Variants in KLHL2 observed in about 807,000 individuals in gnomAD.
KLHL2 encodes the protein kelch-like protein 2.
Under a neutral mutation model 75.8 loss-of-function variants are expected in KLHL2, and 15 were observed. The observed-to-expected ratio is 0.20, with a 90% CI of 0.13 to 0.30. The LOEUF is 0.30. KLHL2 is among the 10% of genes least tolerant of loss of function. The pLI, the probability that KLHL2 is intolerant of heterozygous loss-of-function variation, is 1.00. For missense variants in KLHL2, 381 were observed against 741.0 expected, an observed-to-expected ratio of 0.51 and a Z score of 5.64; for synonymous variants, 214 against 251.9, an observed-to-expected ratio of 0.85 and a Z score of 1.42.
intron 5 of KLHL2, among the ~76,000 whole-genome samples, chr4:165,265,627 T>C (rs750744203): frequency 9.2e-5 from 14 of 152,164 alleles, no homozygotes; most frequent in Non-Finnish European, 1.8e-4. Context: ...TCCAGCTTCA[T>C]CCATGTCCCT....
At chr4:165,259,030 G>A (rs1222151251) in intron 4 of KLHL2, among the ~76,000 whole-genome samples, 2 of 151,788 alleles carry the variant, frequency 1.3e-5, no homozygotes, top group African/African-American at 2.4e-5. Flanking sequence ...GAGAAGGAAT[G>A]TTTATATTAT....
intron 13 of KLHL2, among the ~76,000 whole-genome samples, chr4:165,315,286 A>C (rs1746511696): frequency 6.6e-6 from 1 of 152,142 alleles, no homozygotes; most frequent in South Asian, 2.1e-4. Context: ...TATTGTTTTC[A>C]TATCAAAATT....
chr4:165,321,682 C>A (rs114376761), intron 14 of KLHL2, among the ~76,000 whole-genome samples: 54 of 152,258 alleles, frequency 3.5e-4, no homozygotes, highest in African/African-American at 1.3e-3. Context: ...TTACTTTTGA[C>A]AGAGTATATA....
rs1560837745 is a variant in KLHL2 at position 165,319,655 on chromosome 4, C to G, written c.1753+1686C>G. On this transcript the variant is annotated intron_variant, in intron 14 of 14. Transcript: ENST00000226725. This position sits in a 1 kb window ranked among gnomAD's most constrained non-coding sequence, Gnocchi z 4.5. ...TTTGTTTTTGAGACAGAATCTCACT[C>G]TTGTCGCCCAGGCTGGAGTGCAACA... Among the ~76,000 whole-genome samples the G allele has an allele frequency of 1.3e-5, 2 of 152,094 alleles. No homozygotes were observed. The highest frequency in any genetic ancestry group is 4.8e-5 in the African/African-American group (2 of 41,422).
intron 13 of KLHL2, among the ~76,000 whole-genome samples, chr4:165,317,550 A>G (rs1746675841): frequency 6.6e-6 from 1 of 152,028 alleles, no homozygotes; most frequent in Non-Finnish European, 1.5e-5. Flanking sequence ...TTTTTAGTAG[A>G]GATGGGGTTT....
At chr4:165,249,784 C>G (rs1740543794) in intron 4 of KLHL2, among the ~76,000 whole-genome samples, 1 of 152,134 alleles carries the variant, frequency 6.6e-6, no homozygotes, top group Non-Finnish European at 1.5e-5. Context: ...TATTTATCTC[C>G]TTGTGGAGAT....
intron 3 of KLHL2, among the ~76,000 whole-genome samples, chr4:165,233,654 C>G (rs1254915049): frequency 6.6e-6 from 1 of 152,094 alleles, no homozygotes; most frequent in Non-Finnish European, 1.5e-5. Flanking sequence ...AGGCATTGTC[C>G]TAGGCTTTGG....
At chr4:165,302,468 G>C (rs1172910535) in intron 8 of KLHL2, among the ~76,000 whole-genome samples, 2 of 152,256 alleles carry the variant, frequency 1.3e-5, no homozygotes, top group East Asian at 3.9e-4. Flanking sequence ...TACCATGAGA[G>C]TGAATTAGTA....
chr4:165,313,319 A>G lies in KLHL2; in HGVS notation c.1421A>G (p.Asn474Ser), dbSNP rs758141590. Reference sequence around the variant, plus strand: ...GTAGAATGCTATAATGCTACAACAAATGAGTGGACCTATATAGCAGAAATG... The same window carrying G: ...GTAGAATGCTATAATGCTACAACAAGTGAGTGGACCTATATAGCAGAAATG... ...STVECYNATT[N>S]EWTYIAEMST... is the part of the protein sequence containing the mutation. Residue 474 changes from asparagine to serine, a missense_variant, in exon 12 of 15, where the codon AAT becomes AGT. Coordinates refer to ENST00000226725, the MANE Select transcript of KLHL2 (RefSeq NM_007246.4). The G allele has an allele frequency of 1.3e-6, 2 of 1,588,438 alleles. No individual in the cohort carries two copies. The highest frequency in any genetic ancestry group is 1.7e-6 in the Non-Finnish European group (2 of 1,170,306).
chr4:165,257,805 C>T (rs1328627186), intron 4 of KLHL2, among the ~76,000 whole-genome samples: 1 of 151,894 alleles, frequency 6.6e-6, no homozygotes, highest in Non-Finnish European at 1.5e-5. Context: ...GGGTAACAGA[C>T]GTGATCCTAC....
intron 4 of KLHL2, among the ~76,000 whole-genome samples, chr4:165,247,981 A>G (rs1394560622): frequency 6.6e-6 from 1 of 152,242 alleles, no homozygotes; most frequent in Non-Finnish European, 1.5e-5. Context: ...AGCTATTGCC[A>G]CAAAAATGCC....
chr4:165,311,783 CT>C (rs1399928738), intron 11 of KLHL2, among the ~76,000 whole-genome samples: 2 of 149,972 alleles, frequency 1.3e-5, no homozygotes, highest in Admixed American at 6.7e-5. Context: ...CTCTATCCCC[CT>C]CCCTTTATCC....
At chr4:165,277,822 C>A in intron 5 of KLHL2, 1 of 663,650 alleles carries the variant, frequency 1.5e-6, no homozygotes, top group Non-Finnish European at 2.7e-6. Context: ...GCTGCATTTT[C>A]TTTATTTTAA....
At chr4:165,260,910 T>C (rs1273075946) in intron 4 of KLHL2, among the ~76,000 whole-genome samples, 2 of 152,182 alleles carry the variant, frequency 1.3e-5, no homozygotes, top group Non-Finnish European at 2.9e-5. Flanking sequence ...TTCATGGAGG[T>C]TGGACCAATA....
chr4:165,227,584 T>C (rs760832821), intron 2 of KLHL2, among the ~76,000 whole-genome samples: 23 of 152,164 alleles, frequency 1.5e-4, no homozygotes, highest in Non-Finnish European at 2.9e-4. Context: ...AGACATAAAT[T>C]CAGTGCTTGG....
chr4:165,228,931 T>G lies in KLHL2; in HGVS notation c.259+18T>G, dbSNP rs759990547. On this transcript the variant is annotated intron_variant, in intron 3 of 14. Transcript: ENST00000226725. ...GTTTACAGGTATGAAATATTTTAGT[T>G]ATAGGCATTTTAAAAAATGTATTCA... 1.3e-6 allele frequency: 2 copies of G among 1,504,552 alleles called. No individual in the cohort carries two copies. The highest frequency in any genetic ancestry group is 1.8e-6 in the Non-Finnish European group (2 of 1,087,032). The allele number at this position is 1,504,552 out of a possible 1,614,324, so 93.2% of individuals were successfully genotyped here.
chr4:165,306,317 A>G lies in KLHL2; in HGVS notation c.1039+592A>G, dbSNP rs1579170324. Among the ~76,000 whole-genome samples the G allele has an allele frequency of 2.0e-5, 3 of 152,384 alleles. No individual in the cohort carries two copies. The East Asian group carries it at 5.8e-4, about 29-fold the overall frequency. ...CAATACATCTTGGAGATTGTTACAT[A>G]TCAGCATATCTGGAGTTACCTCATT... is the stretch of plus-strand genomic sequence containing the variant. On this transcript the variant is annotated intron_variant, in intron 9 of 14. Transcript: ENST00000226725.
intron 1 of KLHL2, among the ~76,000 whole-genome samples, chr4:165,218,407 A>C (rs891004936): frequency 1.6e-4 from 24 of 152,018 alleles, no homozygotes; most frequent in Non-Finnish European, 3.2e-4. Context: ...TGTAGTTACT[A>C]CTTCCATCCG....
chr4:165,249,162 G>T (rs910552035), intron 4 of KLHL2, among the ~76,000 whole-genome samples: 2 of 152,206 alleles, frequency 1.3e-5, no homozygotes, highest in African/African-American at 4.8e-5. Context: ...CAATGAAGGT[G>T]ATGTCACAGT....
Sources: gnomAD v4.1 joint callset for allele counts (sites outside exome capture counted in the v4.1 genomes callset) on GRCh38, gnomAD v4.1.1 for gene constraint, Gnocchi (gnomAD v3.1) non-coding constraint, MANE v1.5 for transcripts, NCBI Gene and HGNC (gene_info 2026-07-23, HGNC 2026-07-21) for gene names.